Variants in KCNJ16 observed in about 807,000 individuals in gnomAD.
KCNJ16 encodes the protein potassium inwardly rectifying channel subfamily J member 16.
In KCNJ16, 15 loss-of-function variants were observed where a neutral mutation model predicts 18.5. That is an observed-to-expected ratio of 0.81 (90% confidence interval 0.54 to 1.25). KCNJ16 has a LOEUF of 1.25. KCNJ16 is among the 50% of genes most tolerant of loss of function. The pLI, the probability that KCNJ16 is intolerant of heterozygous loss-of-function variation, is 0.00. For missense variants in KCNJ16, 523 were observed against 525.7 expected, an observed-to-expected ratio of 0.99 and a Z score of 0.05; for synonymous variants, 174 against 186.5, an observed-to-expected ratio of 0.93 and a Z score of 0.55.
At chr17:70,076,274 T>C (rs950630825) in intron 1 of KCNJ16, among the ~76,000 whole-genome samples, 15 of 152,162 alleles carry the variant, frequency 9.9e-5, no homozygotes, top group African/African-American at 3.4e-4. Flanking sequence ...AATGTATGAA[T>C]GCACCTTTGT....
chr17:70,129,326 A>G (rs935093856), intron 2 of KCNJ16, among the ~76,000 whole-genome samples: 1 of 152,234 alleles, frequency 6.6e-6, no homozygotes, highest in Non-Finnish European at 1.5e-5. Context: ...CAGTCAATCA[A>G]CAAGTGCTAG....
chr17:70,081,064 T>C (rs959933310), intron 1 of KCNJ16, among the ~76,000 whole-genome samples: 4 of 152,246 alleles, frequency 2.6e-5, no homozygotes, highest in Non-Finnish European at 5.9e-5. Context: ...TTGTTTATTT[T>C]ATTGAGAAAG....
At chr17:70,131,105 G>A in intron 3 of KCNJ16, 130 bp downstream of exon 3, 1 of 1,041,590 alleles carries the variant, frequency 9.6e-7, no homozygotes, top group Non-Finnish European at 1.4e-6. Flanking sequence ...TTCAATTGTA[G>A]CGTGCTCCCT....
chr17:70,105,365 G>A (rs2072875948), intron 2 of KCNJ16, among the ~76,000 whole-genome samples: 1 of 152,192 alleles, frequency 6.6e-6, no homozygotes, highest in Non-Finnish European at 1.5e-5. Context: ...AAAGGATGAT[G>A]ACTTAGCCAG....
chr17:70,078,501 C>G (rs183223589), intron 1 of KCNJ16, among the ~76,000 whole-genome samples: 4 of 152,150 alleles, frequency 2.6e-5, no homozygotes, highest in Admixed American at 6.5e-5. Context: ...CTCCTTTTAA[C>G]TGAGAAACAA....
chr17:70,110,483 C>T (rs1263775859), intron 2 of KCNJ16, among the ~76,000 whole-genome samples: 2 of 146,528 alleles, frequency 1.4e-5, no homozygotes, highest in South Asian at 4.3e-4. Flanking sequence ...TTCGTGCGCG[C>T]ACACACACAC....
chr17:70,128,801 A>G (rs2073950776), intron 2 of KCNJ16: 1 of 152,238 alleles, frequency 6.6e-6, no homozygotes, highest in African/African-American at 2.4e-5. Context: ...AACAAACACC[A>G]CAAGGCGGTG....
At chr17:70,084,109 C>T (rs557688771) in intron 1 of KCNJ16, among the ~76,000 whole-genome samples, 51 of 152,308 alleles carry the variant, frequency 3.3e-4, no homozygotes, top group Non-Finnish European at 3.4e-4. Flanking sequence ...TGACAACCTG[C>T]GTGGGTCGCC....
chr17:70,122,076 T>C (rs1292928990), intron 2 of KCNJ16, among the ~76,000 whole-genome samples: 2 of 152,088 alleles, frequency 1.3e-5, no homozygotes, highest in African/African-American at 4.8e-5. Flanking sequence ...GAGAATTGAG[T>C]AGATTTAATA....
At chr17:70,108,222 T>C (rs1485576614) in intron 2 of KCNJ16, 1 of 152,230 alleles carries the variant, frequency 6.6e-6, no homozygotes, top group Non-Finnish European at 1.5e-5. Context: ...ATAGCTGGTG[T>C]TCAATAAAAG....
At chr17:70,114,760 T>A (rs1285601841) in intron 2 of KCNJ16, among the ~76,000 whole-genome samples, 2 of 152,164 alleles carry the variant, frequency 1.3e-5, no homozygotes, top group African/African-American at 4.8e-5. Flanking sequence ...GCCAATTTTA[T>A]AATTAATGGC....
At chr17:70,106,056 T>C (rs945512308) in intron 2 of KCNJ16, among the ~76,000 whole-genome samples, 1 of 152,198 alleles carries the variant, frequency 6.6e-6, no homozygotes, top group African/African-American at 2.4e-5. Flanking sequence ...TGATCCAGTC[T>C]GAGTGTTTTG....
At chr17:70,091,324 A>G (rs1177246487) in intron 1 of KCNJ16, among the ~76,000 whole-genome samples, 1 of 152,170 alleles carries the variant, frequency 6.6e-6, no homozygotes, top group African/African-American at 2.4e-5. Context: ...CCTGTTTGTT[A>G]TATCTTGCCT....
intron 1 of KCNJ16, among the ~76,000 whole-genome samples, chr17:70,077,670 C>A (rs1439069619): frequency 2.6e-5 from 1 of 38,528 alleles, no homozygotes; most frequent in Non-Finnish European, 5.7e-5. Context: ...CCTGGTTAGG[C>A]TGTGTTTTTT....
intron 2 of KCNJ16, among the ~76,000 whole-genome samples, chr17:70,105,692 G>T (rs532166045): frequency 6.6e-6 from 1 of 152,154 alleles, no homozygotes; most frequent in Non-Finnish European, 1.5e-5. Flanking sequence ...TAAAAGCACG[G>T]GGCTTTCGAA....
In KCNJ16 at chr17:70,101,462, G is replaced by A. The variant is rs1303429015; in HGVS notation, c.-191+696G>A. 15 of 152,190 alleles carry A rather than the reference G, an allele frequency of 9.9e-5. No individual in the cohort carries two copies. In the South Asian group the frequency reaches 2.9e-3, roughly 29 times the overall value. 9.4% of individuals were successfully genotyped at this position (152,190 alleles called of 1,614,324 possible). ...CTACATTAACATATCAATCTGCTAG[G>A]TTAAGTAGACTCAATTTAACCATCT... is the stretch of plus-strand genomic sequence containing the variant. On this transcript the variant is annotated intron_variant, in intron 2 of 3. Transcript: ENST00000392671.
chr17:70,118,041 C>T lies in KCNJ16; in HGVS notation c.-190-12838C>T, dbSNP rs181189677. Among the ~76,000 whole-genome samples the T allele has an allele frequency of 5.0e-3, 758 of 152,254 alleles. 9 individuals carry two copies. The highest frequency in any genetic ancestry group is 0.016 in the African/African-American group (675 of 41,540). On this transcript the variant is annotated intron_variant, in intron 2 of 3. Coordinates refer to ENST00000392671, the MANE Select transcript of KCNJ16 (RefSeq NM_170741.4). ...TGATGTAGGGGAGGGAAGACTTTCC[C>T]TCTAGCCTCAAGTTCAGTAATTCAG...
intron 1 of KCNJ16, among the ~76,000 whole-genome samples, chr17:70,085,833 A>G (rs973991433): frequency 6.6e-6 from 1 of 152,234 alleles, no homozygotes; most frequent in Non-Finnish European, 1.5e-5. Flanking sequence ...ATGTTCCAGC[A>G]TAAGAATTTG....
chr17:70,117,189 A>G (rs1416011504), intron 2 of KCNJ16, among the ~76,000 whole-genome samples: 1 of 152,208 alleles, frequency 6.6e-6, no homozygotes, highest in African/African-American at 2.4e-5. Context: ...TCCTAAGTGA[A>G]TTAACACAGG....
Sources: allele counts gnomAD v4.1 joint callset (sites outside exome capture counted in the v4.1 genomes callset), GRCh38; gene constraint gnomAD v4.1.1; transcripts MANE v1.5; gene names NCBI Gene and HGNC (gene_info 2026-07-23, HGNC 2026-07-21).